The following GIPC2 variants were observed in gnomAD, a reference collection of about 807,000 sequenced individuals.
GIPC2 encodes PDZ domain-containing protein GIPC2.
In GIPC2, 30 loss-of-function variants were observed where a neutral mutation model predicts 30.6. That is an observed-to-expected ratio of 0.98 (90% CI 0.73 to 1.33). GIPC2 has a LOEUF of 1.33. GIPC2 is among the 40% of genes most tolerant of loss of function. The pLI is 0.00. For synonymous variants in GIPC2, 167 were observed against 150.0 expected (o/e 1.11, Z -0.83); for missense variants, 414 against 390.3 (o/e 1.06, Z -0.51).
intron 5 of GIPC2, among the ~76,000 whole-genome samples, chr1:78,130,193 C>A (rs1333662946): frequency 6.6e-6 from 1 of 151,596 alleles, no homozygotes; most frequent in African/African-American, 2.4e-5. Context: ...ACCCCCGCCT[C>A]CCGGGTTCAA....
intron 3 of GIPC2, among the ~76,000 whole-genome samples, chr1:78,096,957 C>T (rs905592606): frequency 2.0e-5 from 3 of 152,146 alleles, no homozygotes; most frequent in Non-Finnish European, 4.4e-5. Flanking sequence ...ACTCTGGGCC[C>T]TAGTGTGAGG....
chr1:78,108,790 T>C (rs1157749618), intron 3 of GIPC2, among the ~76,000 whole-genome samples: 1 of 152,196 alleles, frequency 6.6e-6, no homozygotes, highest in Non-Finnish European at 1.5e-5. Flanking sequence ...TTATGGACAA[T>C]GCTGTTGGTA....
chr1:78,125,108 A>G (rs1427880480), intron 4 of GIPC2, among the ~76,000 whole-genome samples: 2 of 152,130 alleles, frequency 1.3e-5, no homozygotes, highest in South Asian at 4.2e-4. Flanking sequence ...ATGGCTCACT[A>G]CAGCCTCGTC....
intron 1 of GIPC2, among the ~76,000 whole-genome samples, chr1:78,053,265 T>C (rs2102635412): frequency 6.6e-6 from 1 of 152,292 alleles, no homozygotes; most frequent in Middle Eastern, 3.4e-3. Context: ...ATAAGACTGC[T>C]CTGACTGTGG....
intron 4 of GIPC2, among the ~76,000 whole-genome samples, chr1:78,125,018 C>A (rs1240691689): frequency 6.6e-6 from 1 of 151,996 alleles, no homozygotes; most frequent in African/African-American, 2.4e-5. Flanking sequence ...AAAAACCCCG[C>A]CACAGTTCTT....
intron 1 of GIPC2, among the ~76,000 whole-genome samples, chr1:78,052,610 A>C (rs1165250556): frequency 2.6e-5 from 4 of 152,192 alleles, no homozygotes; most frequent in Admixed American, 2.0e-4. Context: ...ATATCTTTAA[A>C]ATTTTTTGAA....
chr1:78,133,052 C>T (rs1479338410), intron 5 of GIPC2, among the ~76,000 whole-genome samples: 4 of 152,126 alleles, frequency 2.6e-5, no homozygotes, highest in African/African-American at 9.7e-5. Context: ...GGCTATGAGA[C>T]CAGAGTTCTG....
intron 3 of GIPC2, among the ~76,000 whole-genome samples, chr1:78,102,720 A>G (rs1438093561): frequency 6.6e-6 from 1 of 152,260 alleles, no homozygotes; most frequent in Non-Finnish European, 1.5e-5. Flanking sequence ...ATGATTAAAC[A>G]TGAAAGAATC....
intron 4 of GIPC2, among the ~76,000 whole-genome samples, chr1:78,123,481 G>T (rs1256572054): frequency 6.6e-6 from 1 of 152,058 alleles, no homozygotes; most frequent in East Asian, 1.9e-4. Context: ...GAAGGGCCTT[G>T]TGGATAATGA....
At chr1:78,048,373 G>A (rs935902057) in intron 1 of GIPC2, among the ~76,000 whole-genome samples, 1 of 151,886 alleles carries the variant, frequency 6.6e-6, no homozygotes, top group African/African-American at 2.4e-5. Flanking sequence ...CATAGCAAGT[G>A]GCAGAGCCTG....
chr1:78,079,973 C>G (rs183833949), intron 1 of GIPC2, among the ~76,000 whole-genome samples: 1 of 152,236 alleles, frequency 6.6e-6, no homozygotes, highest in African/African-American at 2.4e-5. Context: ...GTTTTAAAAT[C>G]TCCAGACCCC....
intron 1 of GIPC2, among the ~76,000 whole-genome samples, chr1:78,049,893 CTTTTTT>C (rs35263483): frequency 7.1e-5 from 7 of 98,462 alleles, no homozygotes; most frequent in African/African-American, 1.1e-4. Context: ...AGAAAAACCT[CTTTTTT>C]TTTTTTTTTT....
intron 1 of GIPC2, among the ~76,000 whole-genome samples, chr1:78,066,777 C>G (rs573017107): frequency 1.3e-5 from 2 of 152,268 alleles, no homozygotes; most frequent in Non-Finnish European, 2.9e-5. Context: ...CAAACTAATG[C>G]AGAAACAGAA....
At chr1:78,115,197 G>A (rs1662546710) in intron 3 of GIPC2, among the ~76,000 whole-genome samples, 1 of 151,944 alleles carries the variant, frequency 6.6e-6, no homozygotes, top group Non-Finnish European at 1.5e-5. Flanking sequence ...AATGTATGTA[G>A]AGTTGTTCAG....
chr1:78,118,836 T>C (rs1391174743), intron 3 of GIPC2, among the ~76,000 whole-genome samples: 5 of 152,180 alleles, frequency 3.3e-5, no homozygotes, highest in African/African-American at 1.2e-4. Flanking sequence ...TCAGTTCCCT[T>C]ATCAGTAAAA....
intron 1 of GIPC2, among the ~76,000 whole-genome samples, chr1:78,059,211 G>A (rs1211168406): frequency 1.3e-5 from 2 of 152,200 alleles, no homozygotes; most frequent in East Asian, 3.8e-4. Flanking sequence ...TACTTAGGTG[G>A]CTGGCCTGTC....
intron 2 of GIPC2, among the ~76,000 whole-genome samples, chr1:78,086,912 A>G (rs1314072878): frequency 6.6e-6 from 1 of 152,032 alleles, no homozygotes; most frequent in Non-Finnish European, 1.5e-5. Context: ...GTGCATTTTA[A>G]ATGGGACATT....
intron 2 of GIPC2, among the ~76,000 whole-genome samples, chr1:78,084,893 T>C (rs1661897879): frequency 6.6e-6 from 1 of 152,146 alleles, no homozygotes; most frequent in Non-Finnish European, 1.5e-5. Context: ...ACAGAGATAG[T>C]TTGACTTCCT....
intron 3 of GIPC2, among the ~76,000 whole-genome samples, chr1:78,102,713 A>G (rs1052604481): frequency 6.6e-6 from 1 of 152,362 alleles, no homozygotes; most frequent in African/African-American, 2.4e-5. Flanking sequence ...GGATTAAATG[A>G]TTAAACATGA....
Sources: gnomAD v4.1 joint callset for allele counts (sites outside exome capture counted in the v4.1 genomes callset) on GRCh38, gnomAD v4.1.1 for gene constraint, MANE v1.5 for transcripts, NCBI Gene and HGNC (gene_info 2026-07-23, HGNC 2026-07-21) for gene names.